Variants in ADGRD1 observed in about 807,000 individuals in gnomAD.
The protein encoded by ADGRD1 is G-protein coupled receptor 133.
In ADGRD1, 77 loss-of-function variants were observed where a neutral mutation model predicts 113.4. That is an observed-to-expected ratio of 0.68 (90% CI 0.57 to 0.82). The LOEUF is 0.82. ADGRD1 is among the 40% of genes least tolerant of loss of function. The pLI is 0.00. For synonymous variants in ADGRD1, 474 were observed against 475.0 expected, an observed-to-expected ratio of 1.00 and a Z score of 0.03; for missense variants, 1,036 against 1,139.1, an observed-to-expected ratio of 0.91 and a Z score of 1.30.
At chr12:131,108,415 G>A (rs1405046296) in intron 17 of ADGRD1, among the ~76,000 whole-genome samples, 2 of 152,138 alleles carry the variant, frequency 1.3e-5, no homozygotes, top group East Asian at 3.9e-4. Context: ...GGTGAGTCAT[G>A]TGCCCATCCC....
At chr12:130,998,634 T>G (rs572368285) in intron 8 of ADGRD1, among the ~76,000 whole-genome samples, 1 of 152,162 alleles carries the variant, frequency 6.6e-6, no homozygotes, top group Admixed American at 6.5e-5. Flanking sequence ...CTGACTAATT[T>G]TTGTATTTTT....
chr12:130,958,134 A>T (rs1419692378), intron 2 of ADGRD1: 1 of 135,252 alleles, frequency 7.4e-6, no homozygotes, highest in East Asian at 2.2e-4. Flanking sequence ...TTCCTGTCTC[A>T]TTTTCTTTTT....
intron 13 of ADGRD1, among the ~76,000 whole-genome samples, chr12:131,065,476 C>T (rs759256379): frequency 2.6e-5 from 4 of 152,216 alleles, no homozygotes; most frequent in Non-Finnish European, 4.4e-5. Flanking sequence ...GAGACAGAAC[C>T]GGAGTCACCC....
intron 5 of ADGRD1, 61 bp downstream of exon 5, chr12:130,982,124 T>G: frequency 6.9e-7 from 1 of 1,442,714 alleles, no homozygotes; most frequent in Non-Finnish European, 9.6e-7. Flanking sequence ...TCTCTGAGAA[T>G]GGACGCTGAG....
Position 131,096,722 on chromosome 12 carries a change from C to T in ADGRD1, c.1672-8109C>T, listed in dbSNP as rs182208925. ...GCCTCCATCTGTGAGGATGGGTTCC[C>T]GTGGGGCACTGCCAGTCCAGGTTTA... On this transcript the variant is annotated intron_variant, in intron 15 of 24. Coordinates refer to ENST00000261654, the MANE Select transcript of ADGRD1 (RefSeq NM_198827.5). The surrounding 1 kb of genome is among the most constrained non-coding windows in gnomAD (Gnocchi z 5.2). Among the ~76,000 whole-genome samples the T allele has an allele frequency of 2.6e-4, 39 of 152,306 alleles. No individual in the cohort carries two copies. The highest frequency in any genetic ancestry group is 2.3e-3 in the Admixed American group (35 of 15,308).
chr12:130,996,657 G>A (rs1241631971), intron 8 of ADGRD1, among the ~76,000 whole-genome samples: 1 of 103,660 alleles, frequency 9.6e-6, no homozygotes, highest in Non-Finnish European at 2.1e-5. Flanking sequence ...CGGGCGGGGG[G>A]CTGACCCCCC....
chr12:131,020,047 G>A (rs79915779), intron 13 of ADGRD1, among the ~76,000 whole-genome samples: 3 of 119,712 alleles, frequency 2.5e-5, no homozygotes, highest in South Asian at 3.2e-4. Context: ...CGAGGGAGAT[G>A]TTCCAGGGAA....
In ADGRD1 at chr12:131,113,222, C is replaced by G. The variant is rs1950383460; in HGVS notation, c.2041+4345C>G. Among the ~76,000 whole-genome samples the G allele has an allele frequency of 6.6e-6, 1 of 152,154 alleles. No homozygotes were observed. Among genetic ancestry groups the G allele is most frequent in the Non-Finnish European group, 1.5e-5 (1 of 68,042 alleles). On this transcript the variant is annotated intron_variant, in intron 18 of 24. Coordinates refer to ENST00000261654, the MANE Select transcript of ADGRD1 (RefSeq NM_198827.5). The surrounding 1 kb of genome is among the most constrained non-coding windows in gnomAD (Gnocchi z 4.9). ...AGTTTTTCTCAATTTGCTGTAAACCCTTAGGAAAATGTACAGAGACTTTAA... is the reference window on the plus strand; with the variant it reads ...AGTTTTTCTCAATTTGCTGTAAACCGTTAGGAAAATGTACAGAGACTTTAA...
chr12:131,023,001 G>A (rs927232007), intron 13 of ADGRD1: 1 of 151,984 alleles, frequency 6.6e-6, no homozygotes, highest in Non-Finnish European at 1.5e-5. Flanking sequence ...GCCTTTCCTT[G>A]TATGTTCTTC....
At chr12:131,115,628 T>G (rs772988458) in intron 18 of ADGRD1, among the ~76,000 whole-genome samples, 5 of 152,192 alleles carry the variant, frequency 3.3e-5, no homozygotes, top group Non-Finnish European at 4.4e-5. Context: ...CTGGTCCCTC[T>G]GAAGGTCACC....
At chr12:131,010,807 C>G (rs1194050256) in intron 12 of ADGRD1, among the ~76,000 whole-genome samples, 1 of 152,166 alleles carries the variant, frequency 6.6e-6, no homozygotes, top group Non-Finnish European at 1.5e-5. Context: ...TGGGGGCACG[C>G]TGCTTTCCCC....
chr12:131,004,510 C>T lies in ADGRD1; in HGVS notation c.1255+214C>T, dbSNP rs528503998. ...TGTCCTCAGGCCACCCTCATGGACACGCTTGAGAGGTTCCTTAGTGATGCT... is the reference window on the plus strand; with the variant it reads ...TGTCCTCAGGCCACCCTCATGGACATGCTTGAGAGGTTCCTTAGTGATGCT... On this transcript the variant is annotated intron_variant, in intron 11 of 24. Coordinates refer to ENST00000261654, the MANE Select transcript of ADGRD1 (RefSeq NM_198827.5). 9.9e-5 allele frequency among the ~76,000 whole-genome samples: 15 copies of T among 151,954 alleles called. No homozygotes were observed. The East Asian group carries it at 1.9e-3, about 20-fold the overall frequency.
At chr12:131,130,313 G>A (rs1215509915) in intron 20 of ADGRD1, among the ~76,000 whole-genome samples, 1 of 152,230 alleles carries the variant, frequency 6.6e-6, no homozygotes, top group Non-Finnish European at 1.5e-5. Context: ...AGCTGGGCGT[G>A]AGCTGAGCTT....
At chr12:131,122,150 C>T (rs892046780) in intron 20 of ADGRD1, among the ~76,000 whole-genome samples, 1 of 152,034 alleles carries the variant, frequency 6.6e-6, no homozygotes, top group East Asian at 1.9e-4. Flanking sequence ...GTCAGGGCCC[C>T]GCAGTGAACT....
intron 15 of ADGRD1, among the ~76,000 whole-genome samples, chr12:131,090,165 C>T (rs541770958): frequency 6.6e-6 from 1 of 152,014 alleles, no homozygotes; most frequent in South Asian, 2.1e-4. Context: ...GGGAGCAAAT[C>T]GCATCTATTC....
In ADGRD1 at chr12:131,131,733, T is replaced by C; in HGVS notation, c.2184T>C (p.Ile728=). 1 of 1,608,848 alleles carries C rather than the reference T, an allele frequency of 6.2e-7. No individual in the cohort carries two copies. The highest frequency in any genetic ancestry group is 1.1e-5 in the South Asian group (1 of 90,724). ...APALFVIVVN[I]GILIAVTRVI... ...CATGGTTTCTTGTGCAGGTCAACAT[T>C]GGCATCCTCATCGCTGTGACCAGAG... Residue 728 remains isoleucine (I), a synonymous_variant, in exon 21 of 25, where the codon ATT becomes ATC. Transcript: ENST00000261654.
At chr12:130,969,101 T>A in intron 3 of ADGRD1, 1 of 1,270,930 alleles carries the variant, frequency 7.9e-7, no homozygotes. Flanking sequence ...TTGTTCTTCG[T>A]TCTGTCAAGT....
chr12:131,009,797 T>C (rs575343218), intron 12 of ADGRD1, among the ~76,000 whole-genome samples: 202 of 152,160 alleles, frequency 1.3e-3, no homozygotes, highest in South Asian at 1.9e-3. Flanking sequence ...TACATGTGCG[T>C]GTGTGTGTGT....
chr12:131,020,275 G>T (rs1240123087), intron 13 of ADGRD1, among the ~76,000 whole-genome samples: 1 of 114,732 alleles, frequency 8.7e-6, no homozygotes, highest in African/African-American at 3.3e-5. Flanking sequence ...TATTCCAGGG[G>T]CAGGACCCCA....
Sources: allele counts gnomAD v4.1 joint callset (sites outside exome capture counted in the v4.1 genomes callset), GRCh38; gene constraint gnomAD v4.1.1; non-coding constraint Gnocchi (gnomAD v3.1); transcripts MANE v1.5; gene names NCBI Gene and HGNC (gene_info 2026-07-23, HGNC 2026-07-21).